The following FREM2 variants were observed in gnomAD, a reference collection of about 807,000 sequenced individuals.
The protein encoded by FREM2 is FRAS1 related extracellular matrix 2, also known as FRAS1-related extracellular matrix protein 2.
A neutral mutation model predicts 219.9 loss-of-function variants in FREM2; 119 were observed. That is an observed-to-expected ratio of 0.54 (90% CI 0.47 to 0.63). The LOEUF is 0.63. Among genes scored for constraint, FREM2 ranks in the 30% least tolerant of loss-of-function variants. FREM2 has a pLI of 0.00. For synonymous variants in FREM2, 1,562 were observed against 1,522.8 expected, an observed-to-expected ratio of 1.03 and a Z score of -0.60; for missense variants, 4,030 against 3,993.6, an observed-to-expected ratio of 1.01 and a Z score of -0.25.
chr13:38,803,202 T>C (rs911990110), intron 6 of FREM2, among the ~76,000 whole-genome samples: 1 of 152,176 alleles, frequency 6.6e-6, no homozygotes, highest in African/African-American at 2.4e-5. Context: ...CTATATTACC[T>C]CTCAATAAAA....
chr13:38,790,054 G>A (rs959860116), intron 6 of FREM2, among the ~76,000 whole-genome samples: 3 of 152,040 alleles, frequency 2.0e-5, no homozygotes, highest in Admixed American at 1.3e-4. Context: ...TGCTAGGGTC[G>A]ATTTCTATGT....
chr13:38,793,595 A>G (rs1358555364), intron 6 of FREM2, among the ~76,000 whole-genome samples: 1 of 152,242 alleles, frequency 6.6e-6, no homozygotes, highest in Non-Finnish European at 1.5e-5. Context: ...CATTCTTGCA[A>G]TAGAAATAGG....
intron 6 of FREM2, among the ~76,000 whole-genome samples, chr13:38,799,445 G>C (rs996936492): frequency 4.0e-5 from 6 of 151,854 alleles, no homozygotes; most frequent in Non-Finnish European, 8.8e-5. Flanking sequence ...TGCAGTTGTG[G>C]GATAAAATGT....
At chr13:38,707,528 C>G (rs1007399072) in intron 2 of FREM2, among the ~76,000 whole-genome samples, 7 of 152,136 alleles carry the variant, frequency 4.6e-5, no homozygotes, top group African/African-American at 1.7e-4. Flanking sequence ...GAGAGAGAAG[C>G]GCCTGTTCTC....
Position 38,691,021 on chromosome 13 carries a change from C to T in FREM2, c.3677C>T (p.Thr1226Ile). The T allele has an allele frequency of 6.2e-7, 1 of 1,614,122 alleles. No homozygotes were observed. The highest frequency in any genetic ancestry group is 8.5e-7 in the Non-Finnish European group (1 of 1,180,018). Residue 1226 changes from threonine to isoleucine, a missense_variant, in exon 1 of 24, where the codon ACT becomes ATT. Physicochemically the swap from Thr to Ile is moderately conservative, Grantham distance 89. Around this residue, in one of 2 missense-constraint regions of FREM2, gnomAD observed 3,102 missense variants for 2,950.7 expected, o/e 1.05. Coordinates refer to ENST00000280481, the MANE Select transcript of FREM2 (RefSeq NM_207361.6). ...GCTGATGTTCCCCTGGATGATTTAA[C>T]TTTCACTATTACCCAATTCCCCACT... is the stretch of plus-strand genomic sequence containing the variant. ...ADADVPLDDL[T>I]FTITQFPTHG...
chr13:38,757,248 A>C (rs990104028), intron 2 of FREM2, among the ~76,000 whole-genome samples: 1 of 152,196 alleles, frequency 6.6e-6, no homozygotes, highest in African/African-American at 2.4e-5. Context: ...GTCCTCAAGG[A>C]ACAAAATTAC....
At chr13:38,695,204 G>A (rs867144330) in intron 1 of FREM2, among the ~76,000 whole-genome samples, 1 of 152,140 alleles carries the variant, frequency 6.6e-6, no homozygotes, top group African/African-American at 2.4e-5. Context: ...AATATGTAAC[G>A]TGTGTTTATG....
chr13:38,784,465 C>T (rs1013308055), intron 5 of FREM2, 92 bp from the exon 6 acceptor site: 1 of 1,406,710 alleles, frequency 7.1e-7, no homozygotes, highest in African/African-American at 1.4e-5. Context: ...ACTAACTGAC[C>T]ATTAAAATGC....
chr13:38,753,971 ATT>A (rs1391747278), intron 2 of FREM2, among the ~76,000 whole-genome samples: 1 of 137,386 alleles, frequency 7.3e-6, no homozygotes, highest in South Asian at 2.5e-4. Context: ...ATTTTATTTT[ATT>A]TTTTATTTTA....
At chr13:38,762,544 A>T (rs1873270564) in intron 2 of FREM2, among the ~76,000 whole-genome samples, 1 of 151,772 alleles carries the variant, frequency 6.6e-6, no homozygotes, top group African/African-American at 2.4e-5. Context: ...GGTACAAGCG[A>T]TTCTCCTGCC....
intron 4 of FREM2, among the ~76,000 whole-genome samples, chr13:38,770,199 A>C (rs1011183141): frequency 1.4e-5 from 2 of 147,934 alleles, no homozygotes; most frequent in African/African-American, 2.5e-5. Context: ...ACATATTTAT[A>C]TATAATTGAA....
chr13:38,766,326 A>C (rs1330364420), intron 3 of FREM2, among the ~76,000 whole-genome samples: 1 of 152,026 alleles, frequency 6.6e-6, no homozygotes. Context: ...GGTTAACGGC[A>C]GTTCTACAAA....
rs1878573785 is a variant in FREM2 at position 38,882,206 on chromosome 13, C to T, written c.*1419C>T. On this transcript the variant is annotated 3_prime_UTR_variant, in exon 24 of 24. Transcript: ENST00000280481. ...AATTTCGCTTAGAAGGGGAAAACTT[C>T]AGCTTTCCAAAAGCTAGTAAACATG... 6.6e-6 allele frequency: 1 copy of T among 152,132 alleles called. No individual in the cohort carries two copies. Among genetic ancestry groups the T allele is most frequent in the Non-Finnish European group, 1.5e-5 (1 of 68,018 alleles). 9.4% of individuals were successfully genotyped at this position (152,132 alleles called of 1,614,324 possible). A position where few individuals can be genotyped will look rare whatever the true frequency, so the allele number is the denominator to read the frequency against.
At chr13:38,832,645 C>G (rs9548469) in intron 6 of FREM2, among the ~76,000 whole-genome samples, 1 of 151,718 alleles carries the variant, frequency 6.6e-6, no homozygotes, top group Non-Finnish European at 1.5e-5. Flanking sequence ...GCAGAAAAAC[C>G]CACAAACAAT....
At chr13:38,746,135 C>T (rs772115220) in intron 2 of FREM2, among the ~76,000 whole-genome samples, 44 of 152,320 alleles carry the variant, frequency 2.9e-4, no homozygotes, top group Non-Finnish European at 5.4e-4. Flanking sequence ...CTCTGTTCAT[C>T]TGTCCTAAAT....
chr13:38,733,556 A>G (rs552240021), intron 2 of FREM2, among the ~76,000 whole-genome samples: 5 of 152,192 alleles, frequency 3.3e-5, no homozygotes, highest in Non-Finnish European at 7.3e-5. Flanking sequence ...TGTTTTAGGA[A>G]AAAACATACA....
intron 6 of FREM2, among the ~76,000 whole-genome samples, chr13:38,813,627 C>G (rs1254939296): frequency 7.9e-6 from 1 of 125,874 alleles, no homozygotes; most frequent in Non-Finnish European, 1.7e-5. Context: ...AGGATCTTTT[C>G]TTTATCCTTG....
chr13:38,709,028 G>C (rs539162568), intron 2 of FREM2, among the ~76,000 whole-genome samples: 3 of 152,262 alleles, frequency 2.0e-5, no homozygotes, highest in Non-Finnish European at 4.4e-5. Flanking sequence ...CCAAAGTGCT[G>C]GGATTATAGG....
chr13:38,800,701 C>T (rs1874975585), intron 6 of FREM2, among the ~76,000 whole-genome samples: 1 of 152,196 alleles, frequency 6.6e-6, no homozygotes, highest in African/African-American at 2.4e-5. Flanking sequence ...GCAATCTCAG[C>T]TCACTGCAAA....
Sources: allele counts gnomAD v4.1 joint callset (sites outside exome capture counted in the v4.1 genomes callset), GRCh38; gene constraint gnomAD v4.1.1; regional missense constraint gnomAD v4.1.1; transcripts MANE v1.5; gene names NCBI Gene and HGNC (gene_info 2026-07-23, HGNC 2026-07-21).